ZFP82: variants seen among roughly 807,000 people sequenced by gnomAD.
ZFP82 encodes the protein zinc finger protein 82 homolog.
ZFP82 carries 30 observed loss-of-function variants against 54.0 expected under a neutral mutation model. The ratio of observed to expected loss-of-function variants is 0.56; its 90% CI spans 0.42 to 0.75. ZFP82 has a LOEUF of 0.75. Ranked by LOEUF, ZFP82 falls within the 30% of genes least tolerant of loss-of-function variation. The pLI is 0.00. For synonymous variants in ZFP82, 194 were observed against 209.5 expected (o/e 0.93, Z 0.64); for missense variants, 500 against 636.8 (o/e 0.79, Z 2.31).
chr19:36,400,525 ATCT>A (rs1446944452), intron 4 of ZFP82, among the ~76,000 whole-genome samples: 1 of 152,180 alleles, frequency 6.6e-6, no homozygotes, highest in Admixed American at 6.6e-5. Context: ...CATTCTATTG[ATCT>A]TCTTTTTCAC....
At chr19:36,405,409 C>T (rs1227098949) in intron 4 of ZFP82, among the ~76,000 whole-genome samples, 171 bp downstream of exon 4, 1 of 151,628 alleles carries the variant, frequency 6.6e-6, no homozygotes, top group Non-Finnish European at 1.5e-5. Context: ...CCCCATGTCA[C>T]AGACCTTTCC....
chr19:36,416,756 CAAAA>C (rs1165706150), intron 1 of ZFP82, among the ~76,000 whole-genome samples: 2 of 68,876 alleles, frequency 2.9e-5, no homozygotes, highest in Non-Finnish European at 2.7e-5. Flanking sequence ...AACTCCGTCT[CAAAA>C]AAAAAAAAAA....
Position 36,392,476 on chromosome 19 carries a change from G to T in ZFP82, c.*265C>A, listed in dbSNP as rs2032215966. 8.4e-6 allele frequency: 3 copies of T among 356,136 alleles called. No homozygotes were observed. Among genetic ancestry groups the T allele is most frequent in the Non-Finnish European group, 1.5e-5 (3 of 199,100 alleles). 22.1% of individuals were successfully genotyped at this position (356,136 alleles called of 1,614,324 possible). A position where few individuals can be genotyped will look rare whatever the true frequency, so the allele number is the denominator to read the frequency against. ...TCATAAATTAAAAAATTATAGCACA[G>T]AGCAGTTAAGCGTCTTGTCCAGTAT... On this transcript the variant is annotated 3_prime_UTR_variant, in exon 5 of 5. Transcript: ENST00000392161.
At chr19:36,410,930 C>T (rs887358892) in intron 1 of ZFP82, among the ~76,000 whole-genome samples, 3 of 151,892 alleles carry the variant, frequency 2.0e-5, no homozygotes, top group Non-Finnish European at 4.4e-5. Context: ...AGATGGCTCA[C>T]GCCTATAATC....
chr19:36,398,797 T>C (rs1320759824), intron 4 of ZFP82, among the ~76,000 whole-genome samples: 1 of 152,152 alleles, frequency 6.6e-6, no homozygotes, highest in African/African-American at 2.4e-5. Flanking sequence ...GCAATCCTCC[T>C]GCTTCATGTT....
chr19:36,400,883 C>T (rs2032371910), intron 4 of ZFP82, among the ~76,000 whole-genome samples: 1 of 152,152 alleles, frequency 6.6e-6, no homozygotes, highest in Admixed American at 6.5e-5. Context: ...AAACCCTTCT[C>T]TCATCAAGTC....
Position 36,388,629 on chromosome 19 carries a change from ACT to A in ZFP82, c.*4110_*4111del, listed in dbSNP as rs549365735. 3.9e-5 allele frequency among the ~76,000 whole-genome samples: 6 copies of A among 152,304 alleles called. No homozygotes were observed. The South Asian group carries it at 1.0e-3, about 26-fold the overall frequency. ...AAAAACCTCATTATGTAGCTATTTC[ACT>A]TTTTCCATACATAAAGCTGTGAGTC... On this transcript the variant is annotated 3_prime_UTR_variant, in exon 5 of 5. Transcript: ENST00000392161.
chr19:36,399,249 A>G (rs2032345416), intron 4 of ZFP82, among the ~76,000 whole-genome samples: 2 of 152,368 alleles, frequency 1.3e-5, no homozygotes, highest in African/African-American at 4.8e-5. Context: ...AGCATTGGGT[A>G]TACTGAAGAA....
intron 4 of ZFP82, among the ~76,000 whole-genome samples, chr19:36,400,586 G>A (rs557018331): frequency 1.3e-5 from 2 of 152,078 alleles, no homozygotes; most frequent in Non-Finnish European, 1.5e-5. Flanking sequence ...CCACCATCCT[G>A]AGCAACCTAC....
chr19:36,412,764 C>T (rs1473896866), intron 1 of ZFP82, among the ~76,000 whole-genome samples: 1 of 152,134 alleles, frequency 6.6e-6, no homozygotes, highest in African/African-American at 2.4e-5. Context: ...CCACAGGAAC[C>T]CCATGAGTTT....
intron 4 of ZFP82, among the ~76,000 whole-genome samples, chr19:36,400,066 A>G (rs892013499): frequency 1.3e-5 from 2 of 152,246 alleles, no homozygotes; most frequent in African/African-American, 4.8e-5. Flanking sequence ...CATAAAATAT[A>G]CGACCCATTT....
downstream of ZFP82, among the ~76,000 whole-genome samples, chr19:36,385,181 C>T (rs946833796): frequency 1.3e-5 from 2 of 152,088 alleles, no homozygotes; most frequent in African/African-American, 2.4e-5. Flanking sequence ...TTTGTTATCA[C>T]GTGAGTGGGT....
rs2032221444 is a variant in ZFP82 at position 36,392,709 on chromosome 19, T to C, written c.*32A>G. ...TAGATTAATTACTACATTCATAGAA[T>C]GTTCTATAACACAGAAGTTGAAAAG... On this transcript the variant is annotated 3_prime_UTR_variant, in exon 5 of 5. Transcript: ENST00000392161. The C allele has an allele frequency of 1.3e-6, 2 of 1,508,078 alleles. No individual in the cohort carries two copies. The highest frequency in any genetic ancestry group is 2.3e-5 in the Admixed American group (1 of 43,884). 93.4% of individuals were successfully genotyped at this position (1,508,078 alleles called of 1,614,324 possible). A position where few individuals can be genotyped will look rare whatever the true frequency, so the allele number is the denominator to read the frequency against.
intron 1 of ZFP82, among the ~76,000 whole-genome samples, chr19:36,412,703 C>T (rs958208346): frequency 1.3e-5 from 2 of 152,178 alleles, no homozygotes; most frequent in Admixed American, 1.3e-4. Context: ...GCATCAACAT[C>T]ATGAAAATAA....
chr19:36,402,395 G>A (rs1377372116), intron 4 of ZFP82, among the ~76,000 whole-genome samples: 7 of 140,334 alleles, frequency 5.0e-5, no homozygotes, highest in African/African-American at 1.3e-4. Context: ...CGTGAACCCA[G>A]GAAGCGGAGC....
intron 1 of ZFP82, among the ~76,000 whole-genome samples, chr19:36,413,330 G>C (rs1020249023): frequency 6.6e-6 from 1 of 152,126 alleles, no homozygotes; most frequent in African/African-American, 2.4e-5. Flanking sequence ...AGAATCACTT[G>C]AATCTGGGAG....
At chr19:36,411,125 C>G (rs2032573292) in intron 1 of ZFP82, among the ~76,000 whole-genome samples, 1 of 141,642 alleles carries the variant, frequency 7.1e-6, no homozygotes, top group Non-Finnish European at 1.6e-5. Flanking sequence ...CCTAGGGGGG[C>G]GGAGGTTGCA....
chr19:36,402,163 T>C (rs73608340), intron 4 of ZFP82, among the ~76,000 whole-genome samples: 2,823 of 152,284 alleles, frequency 0.019, 97 homozygotes, highest in African/African-American at 0.065. Context: ...ATTACCTGAA[T>C]GTGAATTTTA....
rs746002132 is a variant in ZFP82, at chr19:36,391,907, A to G, written c.*834T>C. On this transcript the variant is annotated 3_prime_UTR_variant, in exon 5 of 5. Coordinates refer to ENST00000392161, the MANE Select transcript of ZFP82 (RefSeq NM_133466.4). ...TATACTCATTATGCCCACAGCCTTT[A>G]GTATGAATTATGTAAAAATAAATAT... 6.6e-6 allele frequency: 1 copy of G among 152,248 alleles called. No individual in the cohort carries two copies. The highest frequency in any genetic ancestry group is 1.5e-5 in the Non-Finnish European group (1 of 68,036). 9.4% of individuals were successfully genotyped at this position (152,248 alleles called of 1,614,324 possible). A position where few individuals can be genotyped will look rare whatever the true frequency, so the allele number is the denominator to read the frequency against.
Sources: gnomAD v4.1 joint callset for allele counts (sites outside exome capture counted in the v4.1 genomes callset) on GRCh38, gnomAD v4.1.1 for gene constraint, MANE v1.5 for transcripts, NCBI Gene and HGNC (gene_info 2026-07-23, HGNC 2026-07-21) for gene names.